The following CELF2 variants were observed in gnomAD, a reference collection of about 807,000 sequenced individuals.
CELF2 encodes the protein CUGBP Elav-like family member 2, also known as CUG triplet repeat RNA-binding protein 2.
Under a neutral mutation model 62.6 loss-of-function variants are expected in CELF2, and 8 were observed. That is an observed-to-expected ratio of 0.13 (90% CI 0.07 to 0.23). The LOEUF (loss-of-function observed/expected upper bound fraction) is 0.23, where lower values mean the gene tolerates loss of function less well. CELF2 is among the 10% of genes least tolerant of loss of function. The pLI, the probability that CELF2 is intolerant of heterozygous loss-of-function variation, is 1.00. For missense variants in CELF2, 333 were observed against 671.0 expected (o/e 0.50, Z 5.56); for synonymous variants, 258 against 250.0 (o/e 1.03, Z -0.30).
At position 10,993,086 on chromosome 10, in the gene CELF2, G is replaced by A. The variant is rs1034632009; in HGVS notation, c.89+73087G>A. Reference sequence around the variant, plus strand: ...GAGAAACTCAGGGCGGATGATCCAGGGCAGGGCAGAACAATTGCAGGGCCA... The same window carrying A: ...GAGAAACTCAGGGCGGATGATCCAGAGCAGGGCAGAACAATTGCAGGGCCA... On this transcript the variant is annotated intron_variant, in intron 2 of 13. Transcript: ENST00000636488. The surrounding 1 kb of genome is among the most constrained non-coding windows in gnomAD (Gnocchi z 5.3). 6.6e-6 allele frequency among the ~76,000 whole-genome samples: 1 copy of A among 152,118 alleles called. No homozygotes were observed. Among genetic ancestry groups the A allele is most frequent in the African/African-American group, 2.4e-5 (1 of 41,442 alleles).
intron 1 of CELF2, among the ~76,000 whole-genome samples, chr10:11,065,899 G>A (rs2068009645): frequency 6.6e-6 from 1 of 152,176 alleles, no homozygotes; most frequent in Non-Finnish European, 1.5e-5. Context: ...TCCGGAAGGA[G>A]CAATTGAAAG....
chr10:10,499,271 G>A, the CELF2 span, among the ~76,000 whole-genome samples: 44 of 151,846 alleles, frequency 2.9e-4, no homozygotes, highest in Non-Finnish European at 4.7e-4. Context: ...TCACCATGTC[G>A]GCCAGGCTGG....
the CELF2 span, among the ~76,000 whole-genome samples, chr10:10,692,413 C>T: frequency 6.7e-6 from 1 of 149,218 alleles, no homozygotes; most frequent in Non-Finnish European, 1.5e-5. Context: ...TTACTGTAGC[C>T]TTGTAGTATA....
At chr10:10,724,588 G>A in the CELF2 span, among the ~76,000 whole-genome samples, 37 of 150,514 alleles carry the variant, frequency 2.5e-4, no homozygotes, top group Admixed American at 4.7e-4. Flanking sequence ...GCCAGGAGGC[G>A]GAGGTTGCAG....
chr10:11,134,330 G>A lies in CELF2; in HGVS notation c.75-31156G>A, dbSNP rs761395097. Among the ~76,000 whole-genome samples, 13 of 152,178 alleles carry A rather than the reference G, an allele frequency of 8.5e-5. No individual in the cohort carries two copies. In the South Asian group the frequency reaches 1.9e-3, roughly 22 times the overall value. ...AGGTGAGTTTGGATTCTGTAGTTGC[G>A]CATCTTCACAGTAAAAAGTGGTGGA... On this transcript the variant is annotated intron_variant, in intron 1 of 12. Transcript: ENST00000633077.
chr10:10,669,986 T>C, the CELF2 span, among the ~76,000 whole-genome samples: 4 of 150,750 alleles, frequency 2.7e-5, no homozygotes, highest in Admixed American at 1.3e-4. Flanking sequence ...CGCTGCAATG[T>C]CTGCTTCCCA....
the CELF2 span, among the ~76,000 whole-genome samples, chr10:10,609,851 C>A: frequency 6.6e-6 from 1 of 152,246 alleles, no homozygotes. Context: ...TCTGCATCTA[C>A]TTGCCTCACA....
At chr10:11,007,708 A>G (rs1002184915) in intron 1 of CELF2, among the ~76,000 whole-genome samples, 4 of 152,256 alleles carry the variant, frequency 2.6e-5, no homozygotes, top group African/African-American at 9.6e-5. Flanking sequence ...GCACACTCCG[A>G]TTCTGCTTCC....
At chr10:10,907,287 T>C (rs1310836619) in intron 1 of CELF2, among the ~76,000 whole-genome samples, 2 of 152,206 alleles carry the variant, frequency 1.3e-5, no homozygotes, top group Admixed American at 6.5e-5. Context: ...TATGTTTCAT[T>C]GACTATAAAT....
At chr10:10,926,744 G>A (rs1261664487) in intron 2 of CELF2, among the ~76,000 whole-genome samples, 1 of 152,186 alleles carries the variant, frequency 6.6e-6, no homozygotes, top group East Asian at 1.9e-4. Context: ...TGGGAGGCCT[G>A]TTCTGTCAGC....
the CELF2 span, among the ~76,000 whole-genome samples, chr10:10,543,047 G>T: frequency 6.6e-6 from 1 of 152,208 alleles, no homozygotes; most frequent in African/African-American, 2.4e-5. Flanking sequence ...AGTCCTCCCA[G>T]CTGATTGCAG....
At chr10:11,107,361 C>T (rs569055564) in intron 1 of CELF2, among the ~76,000 whole-genome samples, 29 of 152,238 alleles carry the variant, frequency 1.9e-4, no homozygotes, top group African/African-American at 7.0e-4. Context: ...TTGATGTGGA[C>T]ACCACACACT....
the CELF2 span, among the ~76,000 whole-genome samples, chr10:10,697,405 T>C: frequency 6.6e-6 from 1 of 152,304 alleles, no homozygotes; most frequent in Non-Finnish European, 1.5e-5. Flanking sequence ...GCAGCATTGC[T>C]TAAGGCCAGT....
chr10:10,788,453 CTTTT>C, the CELF2 span, among the ~76,000 whole-genome samples: 3 of 95,726 alleles, frequency 3.1e-5, no homozygotes, highest in Non-Finnish European at 6.3e-5. Flanking sequence ...TTCTTTCCAT[CTTTT>C]TTTTTTTTTT....
the CELF2 span, among the ~76,000 whole-genome samples, chr10:10,684,701 A>C: frequency 1.3e-5 from 2 of 152,152 alleles, no homozygotes; most frequent in Non-Finnish European, 1.5e-5. Flanking sequence ...TCGAGATTAC[A>C]TGACTGTGCT....
In CELF2 at chr10:10,934,894, T is replaced by C. The variant is rs1240916603; in HGVS notation, c.89+14895T>C. 1 of 152,160 alleles carries C rather than the reference T, an allele frequency of 6.6e-6. No homozygotes were observed. The highest frequency in any genetic ancestry group is 6.6e-5 in the Admixed American group (1 of 15,266). 9.4% of individuals were successfully genotyped at this position (152,160 alleles called of 1,614,324 possible). A position where few individuals can be genotyped will look rare whatever the true frequency, so the allele number is the denominator to read the frequency against. On this transcript the variant is annotated intron_variant, in intron 2 of 13. Transcript: ENST00000636488. This position sits in a 1 kb window ranked among gnomAD's most constrained non-coding sequence, Gnocchi z 4.4. ...CTGCTAAATTAGACAAGATGCAAATTTGATAGAGATTCCTTAAGAAAAAAT... is the reference window on the plus strand; with the variant it reads ...CTGCTAAATTAGACAAGATGCAAATCTGATAGAGATTCCTTAAGAAAAAAT...
intron 1 of CELF2, among the ~76,000 whole-genome samples, chr10:11,102,702 A>T (rs2052055339): frequency 6.6e-6 from 1 of 152,122 alleles, no homozygotes; most frequent in African/African-American, 2.4e-5. Context: ...TTTGGATTGG[A>T]AATCTCTTCC....
the CELF2 span, among the ~76,000 whole-genome samples, chr10:10,628,052 G>C: frequency 3.3e-5 from 5 of 152,022 alleles, no homozygotes. Flanking sequence ...ACAGGTGCCC[G>C]CCACCACGCC....
chr10:10,739,648 T>C, the CELF2 span, among the ~76,000 whole-genome samples: 1 of 152,198 alleles, frequency 6.6e-6, no homozygotes, highest in African/African-American at 2.4e-5. Context: ...ACTGTTGCCC[T>C]TTTCTCTTCC....
Sources: allele counts gnomAD v4.1 joint callset (sites outside exome capture counted in the v4.1 genomes callset), GRCh38; gene constraint gnomAD v4.1.1; non-coding constraint Gnocchi (gnomAD v3.1); transcripts MANE v1.5; gene names NCBI Gene and HGNC (gene_info 2026-07-23, HGNC 2026-07-21).